The following AGBL4 variants were observed in gnomAD, a reference collection of about 807,000 sequenced individuals.
AGBL4 encodes cytosolic carboxypeptidase 6.
AGBL4 carries 58 observed loss-of-function variants against 66.4 expected under a neutral mutation model. The observed-to-expected ratio is 0.87, with a 90% CI of 0.71 to 1.09. The LOEUF (loss-of-function observed/expected upper bound fraction) is 1.09, where lower values mean the gene tolerates loss of function less well. AGBL4 is among the 50% of genes least tolerant of loss of function. The probability of loss-of-function intolerance (pLI) is 0.00; values close to 1 mark genes in which losing one functional copy is unlikely to be tolerated. For missense variants in AGBL4, 579 were observed against 631.0 expected (o/e 0.92, Z 0.88); for synonymous variants, 234 against 222.9 (o/e 1.05, Z -0.44).
intron 11 of AGBL4, among the ~76,000 whole-genome samples, chr1:48,577,325 C>T (rs1644669879): frequency 6.6e-6 from 1 of 152,238 alleles, no homozygotes; most frequent in Admixed American, 6.5e-5. Context: ...CGTAAGCTAA[C>T]AGCCATAATC....
At chr1:49,398,069 A>T (rs1443167225) in intron 3 of AGBL4, among the ~76,000 whole-genome samples, 2 of 152,102 alleles carry the variant, frequency 1.3e-5, no homozygotes, top group Non-Finnish European at 2.9e-5. Flanking sequence ...AGATACCAAA[A>T]CCTGCTCTTC....
intron 4 of AGBL4, among the ~76,000 whole-genome samples, chr1:49,224,590 C>T (rs1570125433): frequency 7.2e-6 from 1 of 138,570 alleles, no homozygotes; most frequent in Admixed American, 8.0e-5. Flanking sequence ...GCACTCCAGC[C>T]TTGGCAACAG....
chr1:49,277,480 A>C lies in AGBL4; in HGVS notation c.283-31616T>G, dbSNP rs189133378. 3.6e-4 allele frequency among the ~76,000 whole-genome samples: 55 copies of C among 152,248 alleles called. 1 individual carries two copies. ...CTTAGGAGGCATAAACCTGAGTTCA[A>C]AACTTGTCTCCACCACTCACTATCT... On this transcript the variant is annotated intron_variant, in intron 3 of 13. Transcript: ENST00000371839.
chr1:49,687,490 G>A (rs1175250234), intron 3 of AGBL4, among the ~76,000 whole-genome samples: 2 of 152,054 alleles, frequency 1.3e-5, no homozygotes, highest in African/African-American at 4.8e-5. Context: ...TAAAAATATG[G>A]GCAGAGCACA....
At chr1:49,048,487 C>G (rs1382998760) in intron 4 of AGBL4, 1 of 152,060 alleles carries the variant, frequency 6.6e-6, no homozygotes, top group East Asian at 1.9e-4. Context: ...TTCAGGGAAA[C>G]TGAGATGCTG....
At chr1:49,828,612 T>G (rs1026464190) in intron 2 of AGBL4, among the ~76,000 whole-genome samples, 4 of 152,212 alleles carry the variant, frequency 2.6e-5, no homozygotes, top group Non-Finnish European at 4.4e-5. Flanking sequence ...AAGTAGTCAC[T>G]GATCACTTTG....
At chr1:48,855,977 G>C (rs181314536) in intron 6 of AGBL4, among the ~76,000 whole-genome samples, 1 of 152,014 alleles carries the variant, frequency 6.6e-6, no homozygotes, top group East Asian at 1.9e-4. Context: ...ATTGACATGG[G>C]AAAATATTTC....
chr1:49,853,238 G>T (rs1455657135), intron 1 of AGBL4, among the ~76,000 whole-genome samples: 1 of 152,012 alleles, frequency 6.6e-6, no homozygotes, highest in Non-Finnish European at 1.5e-5. Flanking sequence ...GGCTGTAGTG[G>T]AAAATGAGAA....
chr1:49,612,760 A>G (rs1330123007), intron 3 of AGBL4, among the ~76,000 whole-genome samples: 1 of 152,214 alleles, frequency 6.6e-6, no homozygotes, highest in Non-Finnish European at 1.5e-5. Flanking sequence ...AGAAAAGGGA[A>G]AACATACACT....
At chr1:49,491,853 G>C (rs931332980) in intron 3 of AGBL4, among the ~76,000 whole-genome samples, 3 of 151,848 alleles carry the variant, frequency 2.0e-5, no homozygotes, top group Non-Finnish European at 4.4e-5. Flanking sequence ...AAAACCCCCA[G>C]TGGATGCCTG....
At chr1:49,862,353 C>A (rs542726323) in intron 1 of AGBL4, among the ~76,000 whole-genome samples, 25 of 137,626 alleles carry the variant, frequency 1.8e-4, no homozygotes, top group Admixed American at 2.9e-4. Flanking sequence ...ATATAGGAGA[C>A]AAAAAAAAAA....
intron 1 of AGBL4, among the ~76,000 whole-genome samples, chr1:49,867,673 G>A (rs1203505457): frequency 6.6e-6 from 1 of 152,108 alleles, no homozygotes; most frequent in Non-Finnish European, 1.5e-5. Flanking sequence ...AGCAAATGCT[G>A]AAGGAATTCA....
At chr1:48,893,633 C>T (rs973245250) in intron 5 of AGBL4, among the ~76,000 whole-genome samples, 12 of 151,690 alleles carry the variant, frequency 7.9e-5, no homozygotes, top group South Asian at 6.3e-4. Context: ...TGCAGTGAGC[C>T]GAGATGGCGC....
intron 4 of AGBL4, among the ~76,000 whole-genome samples, chr1:49,049,004 A>C (rs1021516607): frequency 2.6e-5 from 4 of 151,932 alleles, no homozygotes; most frequent in African/African-American, 9.7e-5. Context: ...CTTGCTAAAA[A>C]CCTTTTAAGC....
At chr1:49,855,199 A>G (rs1051422019) in intron 1 of AGBL4, among the ~76,000 whole-genome samples, 13 of 152,180 alleles carry the variant, frequency 8.5e-5, no homozygotes, top group African/African-American at 3.1e-4. Flanking sequence ...AAAGAGATCA[A>G]TTCAGTAAGA....
intron 3 of AGBL4, among the ~76,000 whole-genome samples, chr1:49,445,468 A>T (rs1646132787): frequency 6.6e-6 from 1 of 152,142 alleles, no homozygotes; most frequent in Non-Finnish European, 1.5e-5. Context: ...TCCCTCAAGG[A>T]TGCCAACAAT....
intron 6 of AGBL4, among the ~76,000 whole-genome samples, chr1:48,705,532 C>T (rs1646869376): frequency 1.3e-5 from 2 of 152,266 alleles, no homozygotes; most frequent in Admixed American, 6.5e-5. Flanking sequence ...AATATCATTA[C>T]CCTTGGGTCT....
At chr1:49,001,544 C>T (rs2148991586) in intron 5 of AGBL4, among the ~76,000 whole-genome samples, 1 of 152,296 alleles carries the variant, frequency 6.6e-6, no homozygotes, top group Admixed American at 6.5e-5. Flanking sequence ...GGTAACATCA[C>T]AAACTACACA....
intron 3 of AGBL4, among the ~76,000 whole-genome samples, chr1:49,264,456 C>T (rs986351423): frequency 2.0e-5 from 3 of 152,034 alleles, no homozygotes; most frequent in African/African-American, 7.2e-5. Context: ...CTACCATTTC[C>T]ATATAATAAA....
Sources: gnomAD v4.1 joint callset for allele counts (sites outside exome capture counted in the v4.1 genomes callset) on GRCh38, gnomAD v4.1.1 for gene constraint, MANE v1.5 for transcripts, NCBI Gene and HGNC (gene_info 2026-07-23, HGNC 2026-07-21) for gene names.